PRELID2: variants seen among roughly 807,000 people sequenced by gnomAD.
The protein encoded by PRELID2 is PRELI domain containing 2.
A neutral mutation model predicts 28.4 loss-of-function variants in PRELID2; 25 were observed. That is an observed-to-expected ratio of 0.88 (90% CI 0.64 to 1.23). The LOEUF (loss-of-function observed/expected upper bound fraction) is 1.23, where lower values mean the gene tolerates loss of function less well. Ranked by LOEUF, PRELID2 falls within the 50% of genes most tolerant of loss-of-function variation. PRELID2 has a pLI of 0.00. For missense variants in PRELID2, 201 were observed against 214.4 expected (o/e 0.94, Z 0.39); for synonymous variants, 76 against 71.6 (o/e 1.06, Z -0.31).
At chr5:145,785,600 A>G (rs1561605603) in intron 5 of PRELID2, among the ~76,000 whole-genome samples, 2 of 152,206 alleles carry the variant, frequency 1.3e-5, no homozygotes, top group African/African-American at 2.4e-5. Flanking sequence ...CTTCAGTCAG[A>G]CACCAAAGGC....
chr5:145,382,771 T>A, the PRELID2 span, among the ~76,000 whole-genome samples: 1 of 151,992 alleles, frequency 6.6e-6, no homozygotes, highest in East Asian at 1.9e-4. Flanking sequence ...CATTTACTTG[T>A]CTGGAAAATA....
At chr5:145,469,393 A>T (rs1430162594), downstream of PRELID2, among the ~76,000 whole-genome samples, 3 of 152,092 alleles carry the variant, frequency 2.0e-5, no homozygotes, top group Non-Finnish European at 4.4e-5. Context: ...CCTATGGATA[A>T]AATGTTTGTT....
At chr5:145,707,018 C>T (rs1033346178) in intron 1 of PRELID2, among the ~76,000 whole-genome samples, 1 of 152,208 alleles carries the variant, frequency 6.6e-6, no homozygotes, top group African/African-American at 2.4e-5. Context: ...GCATTTGACA[C>T]AATCCTTAAG....
the PRELID2 span, among the ~76,000 whole-genome samples, chr5:145,238,739 C>T: frequency 6.6e-6 from 1 of 152,042 alleles, no homozygotes; most frequent in East Asian, 1.9e-4. Context: ...TATAAATGAA[C>T]CTCATATTAC....
At chr5:145,790,430 A>T (rs1464217304) in intron 5 of PRELID2, among the ~76,000 whole-genome samples, 1 of 152,118 alleles carries the variant, frequency 6.6e-6, no homozygotes, top group Non-Finnish European at 1.5e-5. Flanking sequence ...TAAAAAAGTT[A>T]AACTCATAGA....
chr5:145,396,669 T>G, the PRELID2 span, among the ~76,000 whole-genome samples: 1 of 152,134 alleles, frequency 6.6e-6, no homozygotes, highest in Non-Finnish European at 1.5e-5. Context: ...CTTTTATACT[T>G]CACCCTAATT....
chr5:145,723,772 G>C (rs1156492259), intron 1 of PRELID2, among the ~76,000 whole-genome samples: 1 of 152,114 alleles, frequency 6.6e-6, no homozygotes, highest in Non-Finnish European at 1.5e-5. Context: ...CTCTTACGTT[G>C]GGGGAATTTG....
the PRELID2 span, among the ~76,000 whole-genome samples, chr5:145,324,187 T>C: frequency 5.5e-4 from 83 of 152,282 alleles, no homozygotes; most frequent in African/African-American, 1.9e-3. Context: ...TCATTTAAGG[T>C]ATGTATAAGG....
chr5:145,262,111 G>A, the PRELID2 span, among the ~76,000 whole-genome samples: 1 of 152,002 alleles, frequency 6.6e-6, no homozygotes, highest in African/African-American at 2.4e-5. Context: ...AGAGCTCAAA[G>A]ACAAGGCTTT....
At chr5:145,440,046 G>T in the PRELID2 span, among the ~76,000 whole-genome samples, 2 of 152,020 alleles carry the variant, frequency 1.3e-5, no homozygotes, top group Non-Finnish European at 2.9e-5. Context: ...TCCAGTCTCC[G>T]AAACAGCTGT....
At position 145,495,254 on chromosome 5, in the gene PRELID2, T is replaced by A. The variant is rs77072425; in HGVS notation, n.71-21939A>T. Reference sequence around the variant, plus strand: ...TTATCAGGCACTCTGCCCCTGCCTCTTCCGGCAGGCTGGACATTGAAGATC... The same window carrying A: ...TTATCAGGCACTCTGCCCCTGCCTCATCCGGCAGGCTGGACATTGAAGATC... On this transcript the variant is annotated intron_variant and non_coding_transcript_variant, in intron 1 of 2. Transcript: ENST00000510259. Among the ~76,000 whole-genome samples the A allele has an allele frequency of 8.1e-4, 123 of 152,318 alleles. 1 individual carries two copies. The East Asian group carries it at 0.02, about 25-fold the overall frequency.
intron 1 of PRELID2, among the ~76,000 whole-genome samples, chr5:145,742,261 T>A (rs1351658848): frequency 1.4e-5 from 2 of 141,220 alleles, no homozygotes; most frequent in South Asian, 2.1e-4. Flanking sequence ...ATAAAATATA[T>A]ATTTTTAATA....
chr5:145,480,417 T>C (rs1253728379), intron 1 of PRELID2, among the ~76,000 whole-genome samples: 2 of 152,172 alleles, frequency 1.3e-5, no homozygotes, highest in Non-Finnish European at 2.9e-5. Flanking sequence ...GGGTGTTTCC[T>C]AGATATTAAC....
chr5:145,476,771 C>A (rs567975566), intron 1 of PRELID2, among the ~76,000 whole-genome samples: 16 of 152,188 alleles, frequency 1.1e-4, no homozygotes, highest in African/African-American at 3.6e-4. Flanking sequence ...TTTATAAATT[C>A]TCCTTTTTAT....
intron 1 of PRELID2, among the ~76,000 whole-genome samples, chr5:145,583,419 T>C (rs758624226): frequency 3.9e-5 from 6 of 152,136 alleles, no homozygotes; most frequent in Non-Finnish European, 7.4e-5. Flanking sequence ...CTATTCAACA[T>C]AGTGTTGGAA....
At chr5:145,714,712 C>T (rs1476818880) in intron 1 of PRELID2, among the ~76,000 whole-genome samples, 1 of 152,120 alleles carries the variant, frequency 6.6e-6, no homozygotes, top group African/African-American at 2.4e-5. Context: ...CTCCTTGTTG[C>T]CAAATCCAAA....
chr5:145,398,078 T>TAGCCATGGCAGGG, the PRELID2 span, among the ~76,000 whole-genome samples: 2 of 152,128 alleles, frequency 1.3e-5, no homozygotes, highest in Non-Finnish European at 2.9e-5. Context: ...ATCTTTTCTC[T>TAGCCATGGCAGGG]AGCCATGGCA....
At chr5:145,463,097 T>C in the PRELID2 span, among the ~76,000 whole-genome samples, 5 of 152,140 alleles carry the variant, frequency 3.3e-5, no homozygotes, top group Admixed American at 1.3e-4. Context: ...ATTGTTTAAT[T>C]ATGTGGAACT....
At chr5:145,670,289 T>G (rs1052838811) in intron 1 of PRELID2, among the ~76,000 whole-genome samples, 2 of 152,020 alleles carry the variant, frequency 1.3e-5, no homozygotes, top group African/African-American at 4.8e-5. Flanking sequence ...GCCAGGCTCT[T>G]TTTAACAGTC....
Sources: gnomAD v4.1 joint callset for allele counts (sites outside exome capture counted in the v4.1 genomes callset) on GRCh38, gnomAD v4.1.1 for gene constraint, MANE v1.5 for transcripts, NCBI Gene and HGNC (gene_info 2026-07-23, HGNC 2026-07-21) for gene names.